The following CSMD1 variants were observed in gnomAD, a reference collection of about 807,000 sequenced individuals.
CSMD1 encodes CUB and Sushi multiple domains 1, also known as CUB and sushi domain-containing protein 1.
In CSMD1, 213 loss-of-function variants were observed where a neutral mutation model predicts 417.5. The ratio of observed to expected loss-of-function variants is 0.51; its 90% CI spans 0.46 to 0.57. The LOEUF is 0.57. Among genes scored for constraint, CSMD1 ranks in the 20% least tolerant of loss-of-function variants. The probability of loss-of-function intolerance (pLI) is 0.00; values close to 1 mark genes in which losing one functional copy is unlikely to be tolerated. For synonymous variants in CSMD1, 2,862 were observed against 1,736.8 expected (o/e 1.65, Z -16.11); for missense variants, 6,923 against 4,529.7 (o/e 1.53, Z -15.17).
intron 5 of CSMD1, among the ~76,000 whole-genome samples, chr8:3,946,826 T>C (rs1011088352): frequency 6.6e-6 from 1 of 152,196 alleles, no homozygotes; most frequent in Admixed American, 6.5e-5. Flanking sequence ...TTTAATTCTG[T>C]AAATGTTATA....
chr8:3,231,663 C>G (rs917895732), intron 26 of CSMD1, among the ~76,000 whole-genome samples: 2 of 152,068 alleles, frequency 1.3e-5, no homozygotes, highest in Non-Finnish European at 2.9e-5. Context: ...TAATTCAGGA[C>G]AAGAGAAAAT....
chr8:3,983,529 G>C (rs1441210225), intron 5 of CSMD1, among the ~76,000 whole-genome samples: 2 of 152,176 alleles, frequency 1.3e-5, no homozygotes, highest in Non-Finnish European at 2.9e-5. Flanking sequence ...ACTGCCCTTG[G>C]ATGCCATTTC....
intron 37 of CSMD1, among the ~76,000 whole-genome samples, chr8:3,172,780 G>A (rs915539961): frequency 6.6e-6 from 1 of 152,144 alleles, no homozygotes; most frequent in Non-Finnish European, 1.5e-5. Context: ...AGGCACAAGG[G>A]CAGTTGAACC....
chr8:3,954,282 G>C (rs972683659), intron 5 of CSMD1, among the ~76,000 whole-genome samples: 4 of 152,212 alleles, frequency 2.6e-5, no homozygotes, highest in Non-Finnish European at 5.9e-5. Flanking sequence ...AACAGGAAAG[G>C]AAGGTGCGCT....
At chr8:4,362,184 G>C (rs1481347478) in intron 3 of CSMD1, among the ~76,000 whole-genome samples, 2 of 152,134 alleles carry the variant, frequency 1.3e-5, no homozygotes, top group African/African-American at 4.8e-5. Context: ...TGAAGAAAAA[G>C]TCCATTACAT....
At chr8:3,883,529 T>C (rs1806351066) in intron 5 of CSMD1, among the ~76,000 whole-genome samples, 1 of 152,186 alleles carries the variant, frequency 6.6e-6, no homozygotes, top group Non-Finnish European at 1.5e-5. Flanking sequence ...CATGCGGCTT[T>C]ATGTACTATT....
rs548662932 is a variant in CSMD1, at chr8:4,389,159, T to G, written c.415+30794A>C. Among the ~76,000 whole-genome samples, 4 of 152,338 alleles carry G rather than the reference T, an allele frequency of 2.6e-5. No homozygotes were observed. In the South Asian group the frequency reaches 8.3e-4, roughly 32 times the overall value. On this transcript the variant is annotated intron_variant, in intron 3 of 69. Coordinates refer to ENST00000635120, the MANE Select transcript of CSMD1 (RefSeq NM_033225.6). ...TCTGTTCTAAAGCTTTTCATTAATT[T>G]AAAACACAAAATAACATCAACTGGC... is the stretch of plus-strand genomic sequence containing the variant.
At chr8:4,483,245 T>A (rs1299163722) in intron 2 of CSMD1, among the ~76,000 whole-genome samples, 1 of 152,218 alleles carries the variant, frequency 6.6e-6, no homozygotes, top group African/African-American at 2.4e-5. Flanking sequence ...ACCATGACTG[T>A]GAGGCCTCCC....
intron 7 of CSMD1, among the ~76,000 whole-genome samples, chr8:3,663,623 G>C (rs1304507965): frequency 6.6e-6 from 1 of 152,094 alleles, no homozygotes; most frequent in East Asian, 1.9e-4. Context: ...GCCTCCTTTG[G>C]AAAGACTAAT....
intron 41 of CSMD1, chr8:3,128,565 G>T (rs367852639): frequency 3.6e-6 from 1 of 275,028 alleles, no homozygotes; most frequent in Non-Finnish European, 7.1e-6. Context: ...TAGAACCTAG[G>T]AATGTTTATT....
intron 2 of CSMD1, among the ~76,000 whole-genome samples, chr8:4,600,360 G>C (rs542150675): frequency 1.3e-5 from 2 of 152,252 alleles, no homozygotes; most frequent in Non-Finnish European, 2.9e-5. Flanking sequence ...TTAATAAACG[G>C]TGAAGTTTAA....
intron 3 of CSMD1, among the ~76,000 whole-genome samples, chr8:4,411,993 T>TGTGTGTGC (rs1225681098): frequency 1.4e-5 from 2 of 141,766 alleles, no homozygotes. Flanking sequence ...GCTAAGGGTG[T>TGTGTGTGC]GTGTGTGTGT....
At chr8:4,676,753 G>T (rs942629878) in intron 1 of CSMD1, among the ~76,000 whole-genome samples, 1 of 151,812 alleles carries the variant, frequency 6.6e-6, no homozygotes, top group Non-Finnish European at 1.5e-5. Flanking sequence ...CCCTTAGTTT[G>T]TTCTTAGCCC....
At chr8:3,917,984 C>A (rs894150298) in intron 5 of CSMD1, among the ~76,000 whole-genome samples, 2 of 152,100 alleles carry the variant, frequency 1.3e-5, no homozygotes, top group Non-Finnish European at 2.9e-5. Context: ...TCATTTACCA[C>A]GATGTCTTCC....
At chr8:3,790,713 C>G (rs1482501540) in intron 5 of CSMD1, among the ~76,000 whole-genome samples, 1 of 152,084 alleles carries the variant, frequency 6.6e-6, no homozygotes, top group Non-Finnish European at 1.5e-5. Context: ...ATACCTTTGA[C>G]AAAAACACCC....
chr8:3,297,751 G>A (rs922907635), intron 25 of CSMD1, among the ~76,000 whole-genome samples: 1 of 152,102 alleles, frequency 6.6e-6, no homozygotes, highest in African/African-American at 2.4e-5. Context: ...GGAGGAGCTA[G>A]CAATCTGGAC....
At chr8:4,676,743 C>G (rs955473443) in intron 1 of CSMD1, among the ~76,000 whole-genome samples, 4 of 151,930 alleles carry the variant, frequency 2.6e-5, no homozygotes, top group Non-Finnish European at 5.9e-5. Context: ...AGCCCTCCTG[C>G]CCTTAGTTTG....
chr8:2,994,108 T>C (rs1806651780), intron 54 of CSMD1, among the ~76,000 whole-genome samples: 1 of 128,384 alleles, frequency 7.8e-6, no homozygotes, highest in African/African-American at 3.2e-5. Flanking sequence ...ATGGCGCCAT[T>C]GCACTCCAGC....
chr8:4,349,225 G>C (rs1800948045), intron 3 of CSMD1, among the ~76,000 whole-genome samples: 1 of 152,156 alleles, frequency 6.6e-6, no homozygotes, highest in Non-Finnish European at 1.5e-5. Context: ...AGAAGGGCTT[G>C]TTTGCTAATT....
Sources: allele counts gnomAD v4.1 joint callset (sites outside exome capture counted in the v4.1 genomes callset), GRCh38; gene constraint gnomAD v4.1.1; transcripts MANE v1.5; gene names NCBI Gene and HGNC (gene_info 2026-07-23, HGNC 2026-07-21).